The following GCNT2 variants were observed in gnomAD, a reference collection of about 807,000 sequenced individuals.
The protein encoded by GCNT2 is N-acetyllactosaminide beta-1,6-N-acetylglucosaminyl-transferase.
In GCNT2, 34 loss-of-function variants were observed where a neutral mutation model predicts 34.2. That is an observed-to-expected ratio of 1.00 (90% CI 0.76 to 1.32). The LOEUF (loss-of-function observed/expected upper bound fraction) is 1.32. GCNT2 is among the 40% of genes most tolerant of loss of function. The pLI is 0.00. For missense variants in GCNT2, 584 were observed against 489.4 expected, an observed-to-expected ratio of 1.19 and a Z score of -1.82; for synonymous variants, 212 against 188.0, an observed-to-expected ratio of 1.13 and a Z score of -1.04.
chr6:10,582,411 A>G (rs1764149352), intron 3 of GCNT2, among the ~76,000 whole-genome samples: 1 of 123,154 alleles, frequency 8.1e-6, no homozygotes, highest in Non-Finnish European at 1.6e-5. Context: ...TAAATAGTAT[A>G]ATATTTATTA....
At chr6:10,556,196 A>G in intron 3 of GCNT2, 1 of 1,409,436 alleles carries the variant, frequency 7.1e-7, no homozygotes, top group Non-Finnish European at 9.2e-7. Context: ...TGCCACGGGG[A>G]TTTAAACAAA....
At chr6:10,566,422 C>T (rs1570752) in intron 3 of GCNT2, among the ~76,000 whole-genome samples, 72,921 of 151,950 alleles carry the variant, frequency 0.48, 18,531 homozygotes, top group East Asian at 0.64. Flanking sequence ...CTCTGCCTCC[C>T]GAGTAGTTGG....
rs776321866 is a variant in GCNT2, at chr6:10,529,172, A to C, written c.261A>C (p.Thr87=). 1 of 1,613,908 alleles carries C rather than the reference A, an allele frequency of 6.2e-7. No individual in the cohort carries two copies. The highest frequency in any genetic ancestry group is 1.7e-5 in the Admixed American group (1 of 59,968). Residue 87 remains threonine (T), a synonymous_variant, in exon 3 of 5, where the codon ACA becomes ACC. Transcript: ENST00000495262. The stretch of plus-strand genomic sequence containing the variant: ...TTCGAAGCCACTATGTAACAGAAAC[A>C]CTCTCTGAAGAAGAGGCTGGGTTCC... ...YMVRSHYVTE[T]LSEEEAGFPL...
intron 1 of GCNT2, among the ~76,000 whole-genome samples, chr6:10,525,236 G>A (rs1005719665): frequency 2.6e-5 from 4 of 152,134 alleles, no homozygotes; most frequent in African/African-American, 7.2e-5. Flanking sequence ...ATGTGTTATG[G>A]AGAAATAAGC....
At chr6:10,601,194 GTTA>G (rs1309463481) in intron 3 of GCNT2, among the ~76,000 whole-genome samples, 3 of 152,028 alleles carry the variant, frequency 2.0e-5, no homozygotes. Context: ...AGCTGGGCCC[GTTA>G]TTTTTTTGAA....
chr6:10,554,660 A>G (rs867276238), intron 3 of GCNT2, among the ~76,000 whole-genome samples: 7 of 152,350 alleles, frequency 4.6e-5, no homozygotes, highest in African/African-American at 1.4e-4. Context: ...ATTTAAAAGT[A>G]TTATTCAGAA....
chr6:10,562,687 A>C (rs574723287), intron 3 of GCNT2, among the ~76,000 whole-genome samples: 2,088 of 150,306 alleles, frequency 0.014, 75 homozygotes, highest in Admixed American at 0.066. Flanking sequence ...ACAAAAAAAA[A>C]CCCACAAAAA....
intron 3 of GCNT2, among the ~76,000 whole-genome samples, chr6:10,542,825 T>A (rs902289461): frequency 2.6e-5 from 4 of 151,630 alleles, no homozygotes; most frequent in Admixed American, 2.6e-4. Flanking sequence ...CAAGTCACTA[T>A]GGGGACACAT....
chr6:10,595,575 G>A lies in GCNT2; in HGVS notation c.926-25776G>A, dbSNP rs1412794246. ...TACAGGCGTGCCACTCTGCCCGGCC[G>A]GTTGGTTGGGTTGCTTTCTTTTCTT... On this transcript the variant is annotated intron_variant, in intron 3 of 4. Coordinates refer to ENST00000495262, the MANE Select transcript of GCNT2 (RefSeq NM_145649.5). Among the ~76,000 whole-genome samples the A allele has an allele frequency of 2.6e-5, 4 of 151,972 alleles. No individual in the cohort carries two copies. The South Asian group carries it at 6.2e-4, about 24-fold the overall frequency.
rs564175679 is a variant in GCNT2 at position 10,597,842 on chromosome 6, C to T, written c.926-23509C>T. 1.0e-3 allele frequency among the ~76,000 whole-genome samples: 154 copies of T among 152,320 alleles called. 1 individual carries two copies. The South Asian group carries it at 0.031, about 31-fold the overall frequency. ...GAACTTTGACTTTTTAAACACTTCA[C>T]ACTGCACAGTTAAAAACAGTAGAAT... On this transcript the variant is annotated intron_variant, in intron 3 of 4. Coordinates refer to ENST00000495262, the MANE Select transcript of GCNT2 (RefSeq NM_145649.5).
intron 3 of GCNT2, among the ~76,000 whole-genome samples, chr6:10,616,747 C>T (rs746885919): frequency 6.6e-6 from 1 of 152,148 alleles, no homozygotes; most frequent in Non-Finnish European, 1.5e-5. Context: ...GAGGTAGATA[C>T]AGAGTGCTGA....
chr6:10,585,450 C>G (rs1380941537), intron 3 of GCNT2, among the ~76,000 whole-genome samples: 1 of 152,060 alleles, frequency 6.6e-6, no homozygotes, highest in Admixed American at 6.5e-5. Context: ...CCAGAGGAGC[C>G]GATATCCTTA....
In GCNT2 at chr6:10,529,789, C is replaced by A; in HGVS notation, c.878C>A (p.Thr293Asn). The stretch of plus-strand genomic sequence containing the variant: ...GACTTACTCTCCTGGTCCAAGGACA[C>A]CTACAGCCCCGACGAACATTTCTGG... ...ALDLLSWSKD[T>N]YSPDEHFWVT... The change falls in exon 3 of 5, where the codon ACC becomes AAC. Residue 293 changes from threonine to asparagine, a missense_variant. By Grantham distance (65) the Thr-to-Asn change is moderately conservative. Coordinates refer to ENST00000495262, the MANE Select transcript of GCNT2 (RefSeq NM_145649.5). The A allele has an allele frequency of 6.2e-7, 1 of 1,614,132 alleles. No individual in the cohort carries two copies.
At chr6:10,553,321 A>G (rs918761697) in intron 3 of GCNT2, among the ~76,000 whole-genome samples, 1 of 152,154 alleles carries the variant, frequency 6.6e-6, no homozygotes, top group Non-Finnish European at 1.5e-5. Flanking sequence ...TTAGTGCCTC[A>G]TGCAAGGTCT....
At chr6:10,540,734 T>A (rs895019469) in intron 3 of GCNT2, among the ~76,000 whole-genome samples, 1 of 152,218 alleles carries the variant, frequency 6.6e-6, no homozygotes, top group African/African-American at 2.4e-5. Flanking sequence ...AAATTCCCCT[T>A]CAGCATTACA....
intron 3 of GCNT2, among the ~76,000 whole-genome samples, chr6:10,569,273 A>ACACACACACACACACC (rs1561806920): frequency 6.4e-5 from 9 of 139,610 alleles, no homozygotes; most frequent in African/African-American, 1.6e-4. Flanking sequence ...ACACACACAC[A>ACACACACACACACACC]CCCCCTAGGT....
intron 3 of GCNT2, among the ~76,000 whole-genome samples, chr6:10,537,308 TCCTC>T (rs1302254991): frequency 6.6e-6 from 1 of 152,160 alleles, no homozygotes; most frequent in African/African-American, 2.4e-5. Context: ...ACTTTCTTCT[TCCTC>T]CTTCCCAGCT....
At chr6:10,590,399 A>G (rs1018308701) in intron 3 of GCNT2, among the ~76,000 whole-genome samples, 1 of 143,268 alleles carries the variant, frequency 7.0e-6, no homozygotes, top group Admixed American at 6.9e-5. Flanking sequence ...CTCTGTCTCA[A>G]AAAAAAAAAA....
At chr6:10,582,543 C>CATATATAATATAATATATT in intron 3 of GCNT2, among the ~76,000 whole-genome samples, 1 of 109,292 alleles carries the variant, frequency 9.1e-6, no homozygotes, top group South Asian at 2.4e-4. Context: ...TATTATATAT[C>CATATATAATATAATATATT]ATGTATAATA....
Sources: gnomAD v4.1 joint callset for allele counts (sites outside exome capture counted in the v4.1 genomes callset) on GRCh38, gnomAD v4.1.1 for gene constraint, MANE v1.5 for transcripts, NCBI Gene and HGNC (gene_info 2026-07-23, HGNC 2026-07-21) for gene names.